Variants in AGBL4 observed in about 807,000 individuals in gnomAD.
AGBL4 encodes the protein cytosolic carboxypeptidase 6.
AGBL4 carries 58 observed loss-of-function variants against 66.4 expected under a neutral mutation model. The ratio of observed to expected loss-of-function variants is 0.87; its 90% confidence interval spans 0.71 to 1.09. The LOEUF is 1.09. AGBL4 is among the 50% of genes least tolerant of loss of function. AGBL4 has a pLI of 0.00. For synonymous variants in AGBL4, 234 were observed against 222.9 expected (o/e 1.05, Z -0.44); for missense variants, 579 against 631.0 (o/e 0.92, Z 0.88).
intron 6 of AGBL4, among the ~76,000 whole-genome samples, chr1:48,751,417 T>C (rs1283108799): frequency 6.6e-6 from 1 of 152,186 alleles, no homozygotes; most frequent in South Asian, 2.1e-4. Flanking sequence ...TCAGACTGCC[T>C]GACGCATGGC....
In AGBL4 at chr1:48,921,619, A is replaced by C. The variant is rs970870614; in HGVS notation, c.595-54389T>G. ...GAGTCTGGCATTGCTATTATAATAT[A>C]ACCAAATAATATTAACAGTATAATC... On this transcript the variant is annotated intron_variant, in intron 5 of 13. Coordinates refer to ENST00000371839, the MANE Select transcript of AGBL4 (RefSeq NM_032785.4). 2.0e-5 allele frequency among the ~76,000 whole-genome samples: 3 copies of C among 152,178 alleles called. 1 individual carries two copies. The South Asian group carries it at 6.2e-4, about 32-fold the overall frequency.
rs111558010 is a variant in AGBL4 at position 49,480,485 on chromosome 1, T to G, written c.282+216828A>C. ...CTTTGCCCACTTTTTAATGGAGTTG[T>G]TTTTTTTTTCTCTTGTAAATTTGTT... On this transcript the variant is annotated intron_variant, in intron 3 of 13. Transcript: ENST00000371839. Among the ~76,000 whole-genome samples the G allele has an allele frequency of 1.7e-3, 245 of 147,252 alleles. 2 individuals are homozygous for G. Among genetic ancestry groups the G allele is most frequent in the Non-Finnish European group, 2.8e-3 (183 of 65,580 alleles).
At chr1:48,845,974 A>C (rs535495646) in intron 6 of AGBL4, among the ~76,000 whole-genome samples, 8 of 152,310 alleles carry the variant, frequency 5.3e-5, no homozygotes, top group African/African-American at 1.9e-4. Flanking sequence ...TTCACAGCAT[A>C]GGCTGAAGTA....
chr1:49,079,201 T>C (rs1644763415), intron 4 of AGBL4, among the ~76,000 whole-genome samples: 1 of 152,186 alleles, frequency 6.6e-6, no homozygotes, highest in Non-Finnish European at 1.5e-5. Context: ...TAAGAATACA[T>C]TTGGAGCCAG....
At chr1:49,696,148 C>T (rs1272043761) in intron 3 of AGBL4, among the ~76,000 whole-genome samples, 2 of 152,240 alleles carry the variant, frequency 1.3e-5, no homozygotes, top group Non-Finnish European at 2.9e-5. Context: ...CAGGACTATG[C>T]TTTCATCTGC....
chr1:49,154,908 G>A (rs1646402538), intron 4 of AGBL4, among the ~76,000 whole-genome samples: 1 of 152,052 alleles, frequency 6.6e-6, no homozygotes, highest in African/African-American at 2.4e-5. Context: ...CATTCTAAAT[G>A]CTGCATACTT....
intron 3 of AGBL4, among the ~76,000 whole-genome samples, chr1:49,256,314 TA>T (rs1239642496): frequency 6.6e-6 from 1 of 152,032 alleles, no homozygotes; most frequent in Non-Finnish European, 1.5e-5. Flanking sequence ...ATATATCAAT[TA>T]AAAAATTATA....
intron 5 of AGBL4, among the ~76,000 whole-genome samples, chr1:49,010,803 G>C (rs1662338131): frequency 6.6e-6 from 1 of 151,956 alleles, no homozygotes; most frequent in Admixed American, 6.5e-5. Context: ...TTAATAAATG[G>C]TGCTGGGAAA....
At chr1:48,568,331 T>A (rs1384936348) in intron 11 of AGBL4, among the ~76,000 whole-genome samples, 1 of 151,998 alleles carries the variant, frequency 6.6e-6, no homozygotes, top group Non-Finnish European at 1.5e-5. Flanking sequence ...AGTCTGCAGG[T>A]GGCTGGTTTG....
intron 3 of AGBL4, among the ~76,000 whole-genome samples, chr1:49,422,062 A>C (rs1645558230): frequency 6.6e-6 from 1 of 152,216 alleles, no homozygotes; most frequent in Non-Finnish European, 1.5e-5. Context: ...TCTTATGTAG[A>C]TAGACTTTGG....
At chr1:49,868,686 G>A (rs1466374657) in intron 1 of AGBL4, among the ~76,000 whole-genome samples, 2 of 152,074 alleles carry the variant, frequency 1.3e-5, no homozygotes, top group African/African-American at 2.4e-5. Context: ...TCAGGACATA[G>A]GCAGGAAAAA....
At chr1:49,758,717 T>TG (rs900380107) in intron 2 of AGBL4, among the ~76,000 whole-genome samples, 1 of 151,318 alleles carries the variant, frequency 6.6e-6, no homozygotes, top group African/African-American at 2.4e-5. Context: ...ACTAGCTTTT[T>TG]TTTTTTTTAA....
chr1:49,088,071 G>C (rs528882028), intron 4 of AGBL4, among the ~76,000 whole-genome samples: 2 of 152,278 alleles, frequency 1.3e-5, no homozygotes, highest in South Asian at 4.1e-4. Flanking sequence ...CCTTACAAGA[G>C]GTCCTTAAGG....
chr1:49,717,673 C>T (rs536751573), intron 2 of AGBL4, among the ~76,000 whole-genome samples: 2 of 152,086 alleles, frequency 1.3e-5, no homozygotes, highest in Non-Finnish European at 2.9e-5. Flanking sequence ...TTTCTATCCC[C>T]TCTAGTAAGA....
chr1:49,873,833 G>GA (rs921023097), intron 1 of AGBL4, among the ~76,000 whole-genome samples: 2 of 151,554 alleles, frequency 1.3e-5, no homozygotes, highest in African/African-American at 2.4e-5. Flanking sequence ...AATTGATTGA[G>GA]AAAAAAACAA....
At chr1:49,372,672 T>C (rs1644387493) in intron 3 of AGBL4, among the ~76,000 whole-genome samples, 1 of 142,820 alleles carries the variant, frequency 7.0e-6, no homozygotes, top group South Asian at 2.2e-4. Context: ...TCTTTCTTTC[T>C]TTCTTTCTCT....
In AGBL4 at chr1:48,587,032, C is replaced by T. The variant is rs1312751323; in HGVS notation, c.1239G>A (p.Thr413=). 16 of 1,609,666 alleles carry T rather than the reference C, an allele frequency of 9.9e-6. No homozygotes were observed. Among genetic ancestry groups the T allele is most frequent in the East Asian group, 2.2e-5 (1 of 44,778 alleles). The change falls in exon 11 of 14, where the codon ACG becomes ACA. Residue 413 remains threonine (T), a synonymous_variant. Transcript: ENST00000371839. The part of the protein sequence containing the change: ...SFYSYIISGT[T]AAVPYTEEAY... Reference sequence around the variant, plus strand: ...CTTCTTCAGTGTAGGGCACAGCAGCCGTGGTGCCACTGATGATGTAGCTGT... The same window carrying T: ...CTTCTTCAGTGTAGGGCACAGCAGCTGTGGTGCCACTGATGATGTAGCTGT...
intron 8 of AGBL4, among the ~76,000 whole-genome samples, chr1:48,644,466 G>C (rs547756068): frequency 3.2e-4 from 49 of 152,260 alleles, no homozygotes; most frequent in Non-Finnish European, 5.0e-4. Context: ...GCAGCGCGGG[G>C]GCCAAGCCCA....
intron 5 of AGBL4, chr1:49,025,794 A>G (rs900061907): frequency 5.3e-5 from 8 of 152,166 alleles, no homozygotes; most frequent in African/African-American, 1.9e-4. Flanking sequence ...ATATTTAATG[A>G]AAAAATAATA....
Sources: allele counts gnomAD v4.1 joint callset (sites outside exome capture counted in the v4.1 genomes callset), GRCh38; gene constraint gnomAD v4.1.1; transcripts MANE v1.5; gene names NCBI Gene and HGNC (gene_info 2026-07-23, HGNC 2026-07-21).